The following SGCD variants were observed in gnomAD, a reference collection of about 807,000 sequenced individuals.
SGCD encodes sarcoglycan delta.
Under a neutral mutation model 36.6 loss-of-function variants are expected in SGCD, and 18 were observed. The observed-to-expected ratio is 0.49, with a 90% CI of 0.34 to 0.73. The LOEUF (loss-of-function observed/expected upper bound fraction) is 0.73, where lower values mean the gene tolerates loss of function less well. Among genes scored for constraint, SGCD ranks in the 30% least tolerant of loss-of-function variants. The probability of loss-of-function intolerance (pLI) is 0.01; values close to 1 mark genes in which losing one functional copy is unlikely to be tolerated. For synonymous variants in SGCD, 133 were observed against 130.6 expected (o/e 1.02, Z -0.12); for missense variants, 387 against 346.7 (o/e 1.12, Z -0.92).
chr5:155,768,621 G>A, the SGCD span, among the ~76,000 whole-genome samples: 13 of 152,000 alleles, frequency 8.6e-5, no homozygotes, highest in African/African-American at 3.1e-4. Flanking sequence ...GGCTAAATCA[G>A]AAAAAACGAA....
intron 4 of SGCD, among the ~76,000 whole-genome samples, chr5:156,539,582 C>T (rs1758267550): frequency 6.6e-6 from 1 of 152,094 alleles, no homozygotes; most frequent in South Asian, 2.1e-4. Context: ...TAGCAAAAGA[C>T]ATTATTTCAT....
intron 3 of SGCD, among the ~76,000 whole-genome samples, chr5:156,249,555 G>T (rs1391546494): frequency 1.3e-4 from 20 of 152,126 alleles, no homozygotes; most frequent in Admixed American, 1.3e-3. Context: ...ATGATAGAAG[G>T]CAGAAATCTT....
rs1767515946 is a variant in SGCD at position 156,316,247 on chromosome 5, A to G, written c.-43-13287A>G. On this transcript the variant is annotated intron_variant, in intron 3 of 9. Transcript: ENST00000517913. ...CAAAAATATAACTAGAAATAAATTT[A>G]ACCAAGAAAGTGCAATATCTATACA... Among the ~76,000 whole-genome samples the G allele has an allele frequency of 2.6e-5, 4 of 152,146 alleles. No homozygotes were observed. The South Asian group carries it at 8.3e-4, about 32-fold the overall frequency.
chr5:155,945,807 G>A (rs886735609), intron 1 of SGCD, among the ~76,000 whole-genome samples: 29 of 152,292 alleles, frequency 1.9e-4, no homozygotes, highest in South Asian at 6.2e-4. Flanking sequence ...CAGTGAGGAA[G>A]TTTTCACCCT....
At chr5:156,127,857 A>G (rs1762216760) in intron 3 of SGCD, among the ~76,000 whole-genome samples, 1 of 87,706 alleles carries the variant, frequency 1.1e-5, no homozygotes, top group East Asian at 6.1e-4. Flanking sequence ...ATAAATGCAA[A>G]AAAAAAAAAA....
At chr5:156,127,416 C>A (rs1265353616) in intron 3 of SGCD, among the ~76,000 whole-genome samples, 1 of 151,832 alleles carries the variant, frequency 6.6e-6, no homozygotes, top group Admixed American at 6.6e-5. Context: ...CCAGCCTGGG[C>A]AACATAGCAA....
At chr5:155,962,247 G>T (rs1361836262) in intron 1 of SGCD, among the ~76,000 whole-genome samples, 2 of 151,974 alleles carry the variant, frequency 1.3e-5, no homozygotes, top group African/African-American at 4.8e-5. Context: ...GCCTTACCGA[G>T]CTTAGGAAAT....
chr5:156,509,586 C>T (rs1189879131), intron 4 of SGCD, among the ~76,000 whole-genome samples: 1 of 152,140 alleles, frequency 6.6e-6, no homozygotes, highest in East Asian at 1.9e-4. Context: ...ACTATTGTTG[C>T]CTCTATTTTA....
At chr5:155,932,126 G>A (rs1416279365) in intron 1 of SGCD, among the ~76,000 whole-genome samples, 2 of 152,234 alleles carry the variant, frequency 1.3e-5, no homozygotes, top group East Asian at 3.9e-4. Flanking sequence ...TTTGGGGAGA[G>A]ACAAACATTC....
chr5:156,628,526 T>A (rs1475835467), intron 6 of SGCD, among the ~76,000 whole-genome samples: 1 of 152,242 alleles, frequency 6.6e-6, no homozygotes, highest in African/African-American at 2.4e-5. Flanking sequence ...ACTTAGTTTA[T>A]AATGAGAACA....
chr5:156,726,730 T>A (rs1243511457), intron 7 of SGCD, among the ~76,000 whole-genome samples: 1 of 152,204 alleles, frequency 6.6e-6, no homozygotes, highest in African/African-American at 2.4e-5. Context: ...CTCCATCTCA[T>A]TCTAATTCTC....
intron 3 of SGCD, among the ~76,000 whole-genome samples, chr5:156,170,619 A>G (rs1344731208): frequency 1.3e-5 from 2 of 152,184 alleles, no homozygotes; most frequent in African/African-American, 4.8e-5. Context: ...ACTCACAATC[A>G]AAGGGTGCCG....
chr5:156,763,938 T>G lies in SGCD; in HGVS notation c.*4548T>G, dbSNP rs183420383. ...TATTTTATAAAGGCCAAAGGTAGTATGAAGTTTGGACCAAAAAGGTAAATA... is the reference window on the plus strand; with the variant it reads ...TATTTTATAAAGGCCAAAGGTAGTAGGAAGTTTGGACCAAAAAGGTAAATA... On this transcript the variant is annotated 3_prime_UTR_variant, in exon 9 of 9. Coordinates refer to ENST00000337851, the MANE Select transcript of SGCD (RefSeq NM_000337.6). The G allele has an allele frequency of 6.6e-6, 1 of 152,288 alleles. No individual in the cohort carries two copies. Among genetic ancestry groups the G allele is most frequent in the African/African-American group, 2.4e-5 (1 of 41,558 alleles). 9.4% of individuals were successfully genotyped at this position (152,288 alleles called of 1,614,324 possible).
At chr5:156,643,440 A>C (rs2113572367) in intron 6 of SGCD, among the ~76,000 whole-genome samples, 1 of 152,110 alleles carries the variant, frequency 6.6e-6, no homozygotes, top group South Asian at 2.1e-4. Context: ...CTTGATACAG[A>C]TTTATTAAGT....
intron 3 of SGCD, among the ~76,000 whole-genome samples, chr5:156,406,060 CAG>C (rs1281479673): frequency 1.4e-5 from 2 of 141,548 alleles, no homozygotes; most frequent in South Asian, 2.4e-4. Context: ...ATCCCTCTTT[CAG>C]AGAGAGAAAT....
intron 7 of SGCD, among the ~76,000 whole-genome samples, chr5:156,690,954 C>T (rs1170561149): frequency 6.6e-6 from 1 of 152,028 alleles, no homozygotes; most frequent in African/African-American, 2.4e-5. Flanking sequence ...CTCCTGTAAT[C>T]CCAGCACTAT....
intron 7 of SGCD, among the ~76,000 whole-genome samples, chr5:156,710,818 T>G (rs1403948897): frequency 6.6e-6 from 1 of 152,138 alleles, no homozygotes; most frequent in Non-Finnish European, 1.5e-5. Flanking sequence ...ATGCAGACCT[T>G]CAAAAGGTGC....
At position 156,763,176 on chromosome 5, in the gene SGCD, C is replaced by T. The variant is rs759322437; in HGVS notation, c.*3786C>T. On this transcript the variant is annotated 3_prime_UTR_variant, in exon 9 of 9. Coordinates refer to ENST00000337851, the MANE Select transcript of SGCD (RefSeq NM_000337.6). ...TGTGTAATGAGAGTGAAGTAGGGGA[C>T]CCTGTGGTTCAACCTTAGAATCTGT... 6.5e-6 allele frequency: 1 copy of T among 152,690 alleles called. No individual in the cohort carries two copies. Among genetic ancestry groups the T allele is most frequent in the Non-Finnish European group, 1.5e-5 (1 of 68,098 alleles). The allele number at this position is 152,690 out of a possible 1,614,324, so 9.5% of individuals were successfully genotyped here.
Position 156,243,263 on chromosome 5 carries a change from C to T in SGCD, c.-43-86271C>T, listed in dbSNP as rs536159649. Reference sequence around the variant, plus strand: ...CTTCCACATGGAACAGTGGCACATGCGGGTGCCTGGTGGAAGCGCAGGAAA... The same window carrying T: ...CTTCCACATGGAACAGTGGCACATGTGGGTGCCTGGTGGAAGCGCAGGAAA... On this transcript the variant is annotated intron_variant, in intron 3 of 9. Coordinates refer to the SGCD transcript ENST00000517913. Among the ~76,000 whole-genome samples, 245 of 152,252 alleles carry T rather than the reference C, an allele frequency of 1.6e-3. 1 individual carries two copies. The highest frequency in any genetic ancestry group is 1.9e-3 in the Non-Finnish European group (132 of 68,014).
Sources: gnomAD v4.1 joint callset for allele counts (sites outside exome capture counted in the v4.1 genomes callset) on GRCh38, gnomAD v4.1.1 for gene constraint, MANE v1.5 for transcripts, NCBI Gene and HGNC (gene_info 2026-07-23, HGNC 2026-07-21) for gene names.